The following PCDH9 variants were observed in gnomAD, a reference collection of about 807,000 sequenced individuals.
The protein encoded by PCDH9 is protocadherin 9.
Under a neutral mutation model 70.6 loss-of-function variants are expected in PCDH9, and 24 were observed. The observed-to-expected ratio is 0.34, with a 90% CI of 0.25 to 0.48. PCDH9 has a LOEUF of 0.48. Ranked by LOEUF, PCDH9 falls within the 20% of genes least tolerant of loss-of-function variation. PCDH9 has a pLI of 0.99. For synonymous variants in PCDH9, 562 were observed against 558.5 expected (o/e 1.01, Z -0.09); for missense variants, 1,281 against 1,503.6 (o/e 0.85, Z 2.45).
intron 3 of PCDH9, among the ~76,000 whole-genome samples, chr13:66,791,548 G>C (rs936625409): frequency 1.3e-5 from 2 of 151,982 alleles, no homozygotes; most frequent in African/African-American, 4.8e-5. Flanking sequence ...TGTGGTTTTT[G>C]CCAATGAAAG....
At chr13:66,530,619 A>G (rs1960410939) in intron 4 of PCDH9, among the ~76,000 whole-genome samples, 1 of 151,996 alleles carries the variant, frequency 6.6e-6, no homozygotes. Flanking sequence ...CTCAATATAC[A>G]TTAGTGATGC....
intron 3 of PCDH9, among the ~76,000 whole-genome samples, chr13:66,720,557 A>T (rs1377187006): frequency 5.3e-5 from 8 of 152,038 alleles, no homozygotes. Context: ...AGTTTTTTAT[A>T]AAAAATGGAC....
chr13:66,959,412 A>T (rs1045318089), intron 2 of PCDH9, among the ~76,000 whole-genome samples: 1 of 152,194 alleles, frequency 6.6e-6, no homozygotes, highest in Non-Finnish European at 1.5e-5. Flanking sequence ...TATTTGGCCA[A>T]TTGTAAACTT....
chr13:66,579,877 C>T (rs1287707020), intron 4 of PCDH9, among the ~76,000 whole-genome samples: 1 of 151,318 alleles, frequency 6.6e-6, no homozygotes, highest in South Asian at 2.1e-4. Context: ...AAGTAATCTT[C>T]AAAGACCCCT....
intron 3 of PCDH9, among the ~76,000 whole-genome samples, chr13:66,859,776 C>G (rs573918000): frequency 2.0e-5 from 3 of 152,156 alleles, no homozygotes; most frequent in East Asian, 1.9e-4. Context: ...AAGGTACATG[C>G]GGAGAATTCA....
Position 67,225,870 on chromosome 13 carries a change from C to T in PCDH9, c.2571G>A (p.Met857Ile). ...TTTGCTTGTTCTCCTGGTTTGGGGA[C>T]ATCCATTCGGCACCTTGCTTGCTCC... ...AQRSKQGAEW[M>I]SPNQENKQNK... is the part of the protein sequence containing the mutation. Residue 857 changes from methionine to isoleucine, a missense_variant, in exon 2 of 5, where the codon ATG becomes ATA. This residue lies in a region of PCDH9 where 207 missense variants were observed against 191.8 expected (regional missense o/e 1.08). Transcript: ENST00000377865. 6.2e-7 allele frequency: 1 copy of T among 1,614,044 alleles called. No individual in the cohort carries two copies.
At chr13:66,935,002 G>A (rs1378804815) in intron 2 of PCDH9, among the ~76,000 whole-genome samples, 2 of 151,948 alleles carry the variant, frequency 1.3e-5, no homozygotes, top group East Asian at 3.9e-4. Flanking sequence ...TTACAGGCGT[G>A]AGCCACCGCG....
At chr13:66,900,721 C>T (rs2082263441) in intron 3 of PCDH9, among the ~76,000 whole-genome samples, 1 of 151,616 alleles carries the variant, frequency 6.6e-6, no homozygotes, top group African/African-American at 2.4e-5. Context: ...TTAAGAATTT[C>T]ATCCAGATTA....
intron 4 of PCDH9, among the ~76,000 whole-genome samples, chr13:66,575,746 T>C (rs1015210029): frequency 1.3e-5 from 2 of 152,152 alleles, no homozygotes; most frequent in Admixed American, 6.6e-5. Flanking sequence ...TATATCACGT[T>C]ATATCAAGTT....
At chr13:66,883,758 T>C (rs2081960715) in intron 3 of PCDH9, among the ~76,000 whole-genome samples, 2 of 152,220 alleles carry the variant, frequency 1.3e-5, no homozygotes, top group African/African-American at 2.4e-5. Context: ...TGTTTGTCGC[T>C]GCTGCTTTTC....
chr13:67,225,462 G>C lies in PCDH9; in HGVS notation c.2979C>G (p.Ala993=). ...AGCCTCCTTGGGAACTGCACTCTGA[G>C]GCACTGAAGTGATCTGAACTAGTGG... ...RSSTSSDHFS[A]SECSSQGGFK... The change falls in exon 2 of 5, where the codon GCC becomes GCG. Residue 993 remains alanine, a synonymous_variant. Transcript: ENST00000377865. The C allele has an allele frequency of 6.2e-7, 1 of 1,614,082 alleles. No homozygotes were observed. Among genetic ancestry groups the C allele is most frequent in the Non-Finnish European group, 8.5e-7 (1 of 1,179,950 alleles).
intron 2 of PCDH9, among the ~76,000 whole-genome samples, chr13:67,183,704 T>A (rs1195655027): frequency 6.6e-6 from 1 of 152,184 alleles, no homozygotes; most frequent in East Asian, 1.9e-4. Context: ...GAAAGATCAC[T>A]GTTATATTTT....
intron 2 of PCDH9, among the ~76,000 whole-genome samples, chr13:67,067,966 T>C (rs2085684038): frequency 6.6e-6 from 1 of 152,150 alleles, no homozygotes; most frequent in African/African-American, 2.4e-5. Flanking sequence ...TTAGAACCAG[T>C]TGTGATGACA....
At chr13:66,742,582 G>A (rs1304593623) in intron 3 of PCDH9, among the ~76,000 whole-genome samples, 1,791 of 138,418 alleles carry the variant, frequency 0.013, 10 homozygotes, top group African/African-American at 0.019. Flanking sequence ...GAAAATTTTC[G>A]CAACCTACTC....
intron 2 of PCDH9, among the ~76,000 whole-genome samples, chr13:67,045,726 G>A (rs2085210467): frequency 6.6e-6 from 1 of 152,100 alleles, no homozygotes; most frequent in African/African-American, 2.4e-5. Flanking sequence ...CTCTTATCAT[G>A]TCTAGTAATA....
At chr13:66,630,319 T>C (rs2077553568) in intron 4 of PCDH9, among the ~76,000 whole-genome samples, 1 of 152,136 alleles carries the variant, frequency 6.6e-6, no homozygotes, top group Non-Finnish European at 1.5e-5. Flanking sequence ...ACCATGAACA[T>C]ACCCCACCAG....
At chr13:66,418,811 T>C (rs1034770774) in intron 4 of PCDH9, among the ~76,000 whole-genome samples, 2 of 135,994 alleles carry the variant, frequency 1.5e-5, no homozygotes, top group Admixed American at 8.0e-5. Context: ...GCTGGTTTTT[T>C]GAAAAGTTTA....
chr13:66,938,687 A>T (rs1445028319), intron 2 of PCDH9, among the ~76,000 whole-genome samples: 1 of 151,910 alleles, frequency 6.6e-6, no homozygotes, highest in Non-Finnish European at 1.5e-5. Context: ...TTTTCCCTCC[A>T]CTCTTTCATC....
chr13:66,946,749 T>C (rs1462832517), intron 2 of PCDH9, among the ~76,000 whole-genome samples: 2 of 151,982 alleles, frequency 1.3e-5, no homozygotes, highest in African/African-American at 2.4e-5. Context: ...ACAAATTGTA[T>C]ATATTTTAGA....
Sources: gnomAD v4.1 joint callset for allele counts (sites outside exome capture counted in the v4.1 genomes callset) on GRCh38, gnomAD v4.1.1 for gene constraint, gnomAD v4.1.1 regional missense constraint, MANE v1.5 for transcripts, NCBI Gene and HGNC (gene_info 2026-07-23, HGNC 2026-07-21) for gene names.